Variants in MARK4 observed in about 807,000 individuals in gnomAD.
MARK4 encodes the protein MAP/microtubule affinity-regulating kinase 4.
In MARK4, 19 loss-of-function variants were observed where a neutral mutation model predicts 81.5. The ratio of observed to expected loss-of-function variants is 0.23; its 90% CI spans 0.16 to 0.34. The LOEUF (loss-of-function observed/expected upper bound fraction) is 0.34. Among genes scored for constraint, MARK4 ranks in the 10% least tolerant of loss-of-function variants. The pLI is 1.00. For synonymous variants in MARK4, 436 were observed against 439.0 expected, an observed-to-expected ratio of 0.99 and a Z score of 0.08; for missense variants, 772 against 1,058.8, an observed-to-expected ratio of 0.73 and a Z score of 3.76.
intron 2 of MARK4, 171 bp from the exon 3 acceptor site, chr19:45,262,942 T>G (rs1007818785): frequency 2.9e-6 from 2 of 682,164 alleles, no homozygotes; most frequent in African/African-American, 1.8e-5. Flanking sequence ...TTTTTGTATT[T>G]TTAGTAAAGA....
At chr19:45,274,435 A>G (rs542700834) in intron 8 of MARK4, among the ~76,000 whole-genome samples, 1 of 152,120 alleles carries the variant, frequency 6.6e-6, no homozygotes, top group South Asian at 2.1e-4. Flanking sequence ...GTTCAAGACC[A>G]GCCTGGCCAA....
intron 7 of MARK4, among the ~76,000 whole-genome samples, chr19:45,267,076 T>C (rs1970464790): frequency 6.6e-6 from 1 of 151,542 alleles, no homozygotes; most frequent in Non-Finnish European, 1.5e-5. Context: ...TTTTTATTTT[T>C]GACATGGAGT....
intron 7 of MARK4, among the ~76,000 whole-genome samples, chr19:45,266,890 G>T (rs1192039490): frequency 6.6e-6 from 1 of 151,230 alleles, no homozygotes; most frequent in Non-Finnish European, 1.5e-5. Flanking sequence ...CCGCCACCAA[G>T]CCCGGCTAAT....
chr19:45,300,476 A>C (rs1970954897), intron 16 of MARK4, among the ~76,000 whole-genome samples: 1 of 151,424 alleles, frequency 6.6e-6, no homozygotes, highest in Non-Finnish European at 1.5e-5. Context: ...CAGGGCCAGC[A>C]GGAGGCAAAC....
Position 45,297,738 on chromosome 19 carries a change from G to A in MARK4, c.1661G>A (p.Gly554Glu). ...AGTCACAGCCTGGCACCCCCATCAG[G>A]GGAGCGGAGCCGCCTGGCACGTGGT... is the stretch of plus-strand genomic sequence containing the variant. ...PSSHSLAPPSGERSRLARGST... is the reference protein window; with the variant it reads ...PSSHSLAPPSEERSRLARGST... Residue 554 changes from glycine to glutamate, a missense_variant, in exon 15 of 17, where the codon GGG becomes GAG. Physicochemically the swap from Gly to Glu is moderately conservative, Grantham distance 98. Coordinates refer to ENST00000262891, the MANE Select transcript of MARK4 (RefSeq NM_001199867.2). 2 of 1,573,192 alleles carry A rather than the reference G, an allele frequency of 1.3e-6. No individual in the cohort carries two copies. Among genetic ancestry groups the A allele is most frequent in the Non-Finnish European group, 1.7e-6 (2 of 1,163,334 alleles).
intron 6 of MARK4, among the ~76,000 whole-genome samples, chr19:45,265,135 G>A (rs1970434488): frequency 6.6e-6 from 1 of 152,202 alleles, no homozygotes; most frequent in South Asian, 2.1e-4. Flanking sequence ...AGGATGTTTG[G>A]GCATGAAGGC....
Position 45,251,539 on chromosome 19 carries a change from ACCC to A in MARK4, c.-47_-45del. Reference sequence around the variant, plus strand: ...GGAGGGGAAGAGAGGGGACCCTGGGACCCCCGCCCCCCCCACCCGGCCGCCCCT... The same window carrying A: ...GGAGGGGAAGAGAGGGGACCCTGGGACCGCCCCCCCCACCCGGCCGCCCCT... On this transcript the variant is annotated 5_prime_UTR_variant, in exon 1 of 17. Transcript: ENST00000262891. 1 of 263,200 alleles carries A rather than the reference ACCC, an allele frequency of 3.8e-6. No individual in the cohort carries two copies. The highest frequency in any genetic ancestry group is 7.3e-6 in the Non-Finnish European group (1 of 137,132). 16.3% of individuals were successfully genotyped at this position (263,200 alleles called of 1,614,324 possible). A position where few individuals can be genotyped will look rare whatever the true frequency, so the allele number is the denominator to read the frequency against.
At chr19:45,270,959 G>A (rs1311755983) in intron 7 of MARK4, among the ~76,000 whole-genome samples, 13 of 152,152 alleles carry the variant, frequency 8.5e-5, no homozygotes, top group East Asian at 1.9e-4. Context: ...TAGTAGAGAC[G>A]GGGTTTCTCC....
In MARK4 at chr19:45,277,083, CT is replaced by C. The variant is rs571496107; in HGVS notation, c.787-832del. Among the ~76,000 whole-genome samples the C allele has an allele frequency of 2.5e-4, 38 of 150,988 alleles. 1 individual carries two copies. In the South Asian group the frequency reaches 5.9e-3, roughly 23 times the overall value. On this transcript the variant is annotated intron_variant, in intron 8 of 16. Coordinates refer to ENST00000262891, the MANE Select transcript of MARK4 (RefSeq NM_001199867.2). ...TTACCTGACTTAGAGAATAAACTTC[CT>C]TTTTTTTCTGAGACAGAATCTCGCC...
intron 2 of MARK4, chr19:45,262,878 A>G (rs748696487): frequency 1.2e-5 from 6 of 484,780 alleles, no homozygotes; most frequent in Non-Finnish European, 2.3e-5. Flanking sequence ...GATTCTTCCA[A>G]CTCAGCCTCC....
rs1970524611 is a variant in MARK4, at chr19:45,271,398, C to T, written c.550-74C>T. ...TGGGCCAGCCCTAGAGCCTGTGCTC[C>T]TGTCTGCCTCCCACGTCCATGAAAG... On this transcript the variant is annotated intron_variant, in intron 7 of 16. Coordinates refer to ENST00000262891, the MANE Select transcript of MARK4 (RefSeq NM_001199867.2). The surrounding 1 kb of genome is among the most constrained non-coding windows in gnomAD (Gnocchi z 4.1). The T allele has an allele frequency of 6.9e-7, 1 of 1,458,132 alleles. No homozygotes were observed. The highest frequency in any genetic ancestry group is 2.3e-5 in the East Asian group (1 of 44,120). The allele number at this position is 1,458,132 out of a possible 1,614,324, so 90.3% of individuals were successfully genotyped here.
rs559200701 is a variant in MARK4 at position 45,282,267 on chromosome 19, C to A, written c.1276+1533C>A. On this transcript the variant is annotated intron_variant, in intron 12 of 16. Coordinates refer to ENST00000262891, the MANE Select transcript of MARK4 (RefSeq NM_001199867.2). ...AAAAGGATACACACCACCATCAGCA[C>A]CCATTAGGCATGGAGACTTCTGAGA... 1.9e-4 allele frequency among the ~76,000 whole-genome samples: 29 copies of A among 151,702 alleles called. No homozygotes were observed. In the South Asian group the frequency reaches 6.0e-3, roughly 32 times the overall value.
intron 7 of MARK4, among the ~76,000 whole-genome samples, chr19:45,267,490 G>A (rs1032698465): frequency 2.6e-5 from 4 of 152,190 alleles, no homozygotes; most frequent in Non-Finnish European, 4.4e-5. Flanking sequence ...CCCAGGGTCC[G>A]CATTCCACAC....
intron 14 of MARK4, among the ~76,000 whole-genome samples, chr19:45,296,569 C>G (rs1416623689): frequency 1.3e-5 from 2 of 152,256 alleles, no homozygotes; most frequent in Non-Finnish European, 2.9e-5. Context: ...CCATCTCTAG[C>G]TGCAAGAGAG....
rs1279208370 is a variant in MARK4, at chr19:45,304,581, G to GCTTGGT, written c.*1873_*1878dup. The GCTTGGT allele has an allele frequency of 1.3e-5, 2 of 152,204 alleles. No individual in the cohort carries two copies. The highest frequency in any genetic ancestry group is 4.8e-5 in the African/African-American group (2 of 41,432). The allele number at this position is 152,204 out of a possible 1,614,324, so 9.4% of individuals were successfully genotyped here. On this transcript the variant is annotated 3_prime_UTR_variant, in exon 17 of 17. Coordinates refer to ENST00000262891, the MANE Select transcript of MARK4 (RefSeq NM_001199867.2). ...AAGTTCAGGGAACTTCAGGGAAGAGGCTTGGTCAATTCCTGAGAGCATCCT... is the reference window on the plus strand; with the variant it reads ...AAGTTCAGGGAACTTCAGGGAAGAGGCTTGGTCTTGGTCAATTCCTGAGAGCATCCT...
chr19:45,286,367 T>A (rs750031043), intron 12 of MARK4, among the ~76,000 whole-genome samples: 39 of 150,788 alleles, frequency 2.6e-4, no homozygotes, highest in Non-Finnish European at 4.7e-4. Context: ...TTATGGGTTT[T>A]AATATGAATT....
chr19:45,260,933 C>T (rs1476484790), intron 2 of MARK4, among the ~76,000 whole-genome samples: 1 of 152,000 alleles, frequency 6.6e-6, no homozygotes, highest in African/African-American at 2.4e-5. Context: ...CAAAAAGGGC[C>T]CACACAGGCT....
intron 1 of MARK4, among the ~76,000 whole-genome samples, chr19:45,254,585 C>T (rs1970284337): frequency 6.6e-6 from 1 of 152,214 alleles, no homozygotes; most frequent in Non-Finnish European, 1.5e-5. Flanking sequence ...GGAGGGACTC[C>T]CCCTGCCTGA....
In MARK4 at chr19:45,297,692, G is replaced by A; in HGVS notation, c.1615G>A (p.Val539Met). Residue 539 changes from valine (V) to methionine (M), a missense_variant, in exon 15 of 17, where the codon GTG becomes ATG. By Grantham distance (21) the Val-to-Met change is conservative. Coordinates refer to ENST00000262891, the MANE Select transcript of MARK4 (RefSeq NM_001199867.2). ...TGCCCACAGCTCAGGCACCCCACGG[G>A]TGCCCCCTGCCTCCCCCTCCAGTCA... ...GKENSSGTPR[V>M]PPASPSSHSL... 1 of 1,529,606 alleles carries A rather than the reference G, an allele frequency of 6.5e-7. No individual in the cohort carries two copies. Among genetic ancestry groups the A allele is most frequent in the Admixed American group, 2.2e-5 (1 of 45,612 alleles). The allele number at this position is 1,529,606 out of a possible 1,614,324, so 94.8% of individuals were successfully genotyped here.
Sources: gnomAD v4.1 joint callset for allele counts (sites outside exome capture counted in the v4.1 genomes callset) on GRCh38, gnomAD v4.1.1 for gene constraint, Gnocchi (gnomAD v3.1) non-coding constraint, MANE v1.5 for transcripts, NCBI Gene and HGNC (gene_info 2026-07-23, HGNC 2026-07-21) for gene names.